SLC25A14: variants seen among roughly 807,000 people sequenced by gnomAD.
The protein encoded by SLC25A14 is solute carrier family 25 member 14.
SLC25A14 carries 8 observed loss-of-function variants against 28.1 expected under a neutral mutation model. The ratio of observed to expected loss-of-function variants is 0.28; its 90% CI spans 0.17 to 0.51. The LOEUF (loss-of-function observed/expected upper bound fraction) is 0.51, where lower values mean the gene tolerates loss of function less well. Among genes scored for constraint, SLC25A14 ranks in the 20% least tolerant of loss-of-function variants. SLC25A14 has a pLI of 0.97. For synonymous variants in SLC25A14, 74 were observed against 90.6 expected, an observed-to-expected ratio of 0.82 and a Z score of 1.04; for missense variants, 135 against 263.8, an observed-to-expected ratio of 0.51 and a Z score of 3.38.
At position 130,371,621 on chromosome X, in the gene SLC25A14, C is replaced by T; in HGVS notation, c.913C>T (p.Arg305Trp). 1.7e-6 allele frequency: 2 copies of T among 1,202,218 alleles called. No individual in the cohort carries two copies. The highest frequency in any genetic ancestry group is 1.1e-6 in the Non-Finnish European group (1 of 887,257). The change falls in exon 10 of 11, where the codon CGG becomes TGG. Residue 305 changes from arginine (R) to tryptophan (W), a missense_variant. Arg to Trp is a moderately radical substitution (Grantham distance 101). Coordinates refer to ENST00000545805, the MANE Select transcript of SLC25A14 (RefSeq NM_001282195.2). Reference sequence around the variant, plus strand: ...TAAAGGATTTTGGCCAAACTGGCTTCGGCTTGGACCCTGGAACATCATTGT... The same window carrying T: ...TAAAGGATTTTGGCCAAACTGGCTTTGGCTTGGACCCTGGAACATCATTGT... ...LYKGFWPNWL[R>W]LGPWNIIFFI... is the part of the protein sequence containing the mutation.
chrX:130,365,780 G>T (rs1361808516), intron 9 of SLC25A14, 104 bp downstream of exon 9: 2 of 589,297 alleles, frequency 3.4e-6, no homozygotes, highest in East Asian at 7.2e-5. Flanking sequence ...GAAGATGAAA[G>T]AATCATATTT....
intron 4 of SLC25A14, among the ~76,000 whole-genome samples, chrX:130,347,826 T>C (rs753831108): frequency 1.8e-5 from 2 of 111,697 alleles, no homozygotes; most frequent in Non-Finnish European, 3.8e-5. Flanking sequence ...TTTGTACTGT[T>C]TTTGTCTGGT....
At position 130,346,286 on chromosome X, in the gene SLC25A14, G is replaced by A. The variant is rs750208675; in HGVS notation, c.170-258G>A. 2.0e-4 allele frequency among the ~76,000 whole-genome samples: 22 copies of A among 111,227 alleles called. No homozygotes were observed. The highest frequency in any genetic ancestry group is 6.8e-4 in the African/African-American group (21 of 30,700). On this transcript the variant is annotated intron_variant, in intron 3 of 10. Coordinates refer to ENST00000545805, the MANE Select transcript of SLC25A14 (RefSeq NM_001282195.2). ...ATTTAATTATTTTGCATTTATAATA[G>A]GGCAATCTGAAAGCATTTTATTATA... is the stretch of plus-strand genomic sequence containing the variant.
chrX:130,344,816 AT>A (rs1251622698), intron 2 of SLC25A14, among the ~76,000 whole-genome samples: 2 of 111,733 alleles, frequency 1.8e-5, no homozygotes, highest in Non-Finnish European at 3.8e-5. Context: ...AGCCTATATA[AT>A]TTGAATTCCG....
intron 2 of SLC25A14, among the ~76,000 whole-genome samples, chrX:130,341,636 C>G (rs1212508357): frequency 1.8e-5 from 2 of 112,218 alleles, no homozygotes; most frequent in Non-Finnish European, 3.8e-5. Flanking sequence ...TACTTTCACT[C>G]ATTAGTCTAT....
Position 130,372,983 on chromosome X carries a change from G to A in SLC25A14, c.*33G>A. 1.9e-6 allele frequency: 2 copies of A among 1,059,821 alleles called. No homozygotes were observed. The allele number at this position is 1,059,821 out of a possible 1,213,427, so 87.3% of individuals were successfully genotyped here. On this transcript the variant is annotated 3_prime_UTR_variant, in exon 11 of 11. Coordinates refer to ENST00000545805, the MANE Select transcript of SLC25A14 (RefSeq NM_001282195.2). ...ATTATATGTGAGCCCAGCCCTGCCA[G>A]CCTTTCTACTCCTTTGCCCTTTTCC...
intron 7 of SLC25A14, among the ~76,000 whole-genome samples, chrX:130,362,239 C>T (rs761035670): frequency 9.2e-5 from 10 of 108,851 alleles, no homozygotes; most frequent in African/African-American, 3.0e-4. Flanking sequence ...TGGGTTCAAG[C>T]GATTCTCCTG....
chrX:130,365,515 C>T, intron 8 of SLC25A14, 26 bp from the exon 9 acceptor site: 3 of 1,208,633 alleles, frequency 2.5e-6, no homozygotes, highest in Non-Finnish European at 3.4e-6. Flanking sequence ...AAAGTGGGGT[C>T]GATCTACTTA....
At chrX:130,370,735 A>G (rs755363861) in intron 9 of SLC25A14, among the ~76,000 whole-genome samples, 3 of 111,922 alleles carry the variant, frequency 2.7e-5, no homozygotes, top group Non-Finnish European at 5.6e-5. Flanking sequence ...TCTTTGTGGC[A>G]CTTATTTTTG....
chrX:130,352,829 T>C (rs376741454), intron 6 of SLC25A14, among the ~76,000 whole-genome samples: 7 of 112,450 alleles, frequency 6.2e-5, no homozygotes, highest in African/African-American at 2.3e-4. Flanking sequence ...ATCAGATGCA[T>C]AGTTTGTGAA....
intron 7 of SLC25A14, 99 bp downstream of exon 7, chrX:130,358,834 C>A: frequency 1.4e-6 from 1 of 695,254 alleles, no homozygotes; most frequent in Non-Finnish European, 2.2e-6. Flanking sequence ...AATTATAATC[C>A]AAAAACTAAG....
At chrX:130,340,630 T>C (rs1220480833) in intron 2 of SLC25A14, among the ~76,000 whole-genome samples, 1 of 111,060 alleles carries the variant, frequency 9.0e-6, no homozygotes, top group Non-Finnish European at 1.9e-5. Context: ...AACTCTTCCC[T>C]CGTCTTCATT....
intron 2 of SLC25A14, among the ~76,000 whole-genome samples, chrX:130,344,511 G>T (rs5932746): frequency 9.0e-6 from 1 of 110,906 alleles, no homozygotes; most frequent in Admixed American, 9.6e-5. Context: ...ATTTATATGT[G>T]TGTGTTTTAA....
intron 7 of SLC25A14, among the ~76,000 whole-genome samples, chrX:130,361,822 T>C (rs908476478): frequency 8.9e-6 from 1 of 111,902 alleles, no homozygotes; most frequent in Non-Finnish European, 1.9e-5. Flanking sequence ...CAAGAGAAGC[T>C]GGAAATCTGC....
At chrX:130,365,894 A>G (rs1245574848) in intron 9 of SLC25A14, among the ~76,000 whole-genome samples, 2 of 112,421 alleles carry the variant, frequency 1.8e-5, no homozygotes, top group Admixed American at 1.9e-4. Flanking sequence ...GAATGCTTTA[A>G]AATACAGGAT....
In SLC25A14 at chrX:130,362,963, C is replaced by T. The variant is rs777862874; in HGVS notation, c.595-1665C>T. ...ATTAAACCTGAAAGCTCTCTTCTCCCCACTGATTTTTGCTTCATGATTTTA... is the reference window on the plus strand; with the variant it reads ...ATTAAACCTGAAAGCTCTCTTCTCCTCACTGATTTTTGCTTCATGATTTTA... On this transcript the variant is annotated intron_variant, in intron 7 of 10. Coordinates refer to ENST00000545805, the MANE Select transcript of SLC25A14 (RefSeq NM_001282195.2). Among the ~76,000 whole-genome samples, 3 of 112,280 alleles carry T rather than the reference C, an allele frequency of 2.7e-5. No homozygotes were observed. The Admixed American group carries it at 2.8e-4, about 11-fold the overall frequency.
intron 7 of SLC25A14, among the ~76,000 whole-genome samples, chrX:130,363,144 G>A (rs1421749970): frequency 8.9e-6 from 1 of 112,082 alleles, no homozygotes; most frequent in Non-Finnish European, 1.9e-5. Flanking sequence ...CACTGTCTAA[G>A]TTTAGAACAT....
intron 9 of SLC25A14, among the ~76,000 whole-genome samples, chrX:130,367,671 G>T (rs1483455172): frequency 8.9e-6 from 1 of 111,990 alleles, no homozygotes; most frequent in East Asian, 2.8e-4. Context: ...AATAATGATT[G>T]CCTGGGGCAG....
chrX:130,364,111 T>C (rs2034052546), intron 7 of SLC25A14, among the ~76,000 whole-genome samples: 1 of 112,051 alleles, frequency 8.9e-6, no homozygotes, highest in Admixed American at 9.5e-5. Flanking sequence ...TTGATTTGCA[T>C]TTCTCTAGTG....
Sources: allele counts gnomAD v4.1 joint callset (sites outside exome capture counted in the v4.1 genomes callset), GRCh38; gene constraint gnomAD v4.1.1; transcripts MANE v1.5; gene names NCBI Gene and HGNC (gene_info 2026-07-23, HGNC 2026-07-21).